Variants in TTLL8 observed in about 807,000 individuals in gnomAD.
TTLL8 encodes tubulin tyrosine ligase like 8.
Under a neutral mutation model 77.8 loss-of-function variants are expected in TTLL8, and 65 were observed. The observed-to-expected ratio is 0.84, with a 90% CI of 0.68 to 1.03. TTLL8 has a LOEUF of 1.03. Among genes scored for constraint, TTLL8 ranks in the 50% least tolerant of loss-of-function variants. TTLL8 has a pLI of 0.00. For synonymous variants in TTLL8, 402 were observed against 422.8 expected, an observed-to-expected ratio of 0.95 and a Z score of 0.60; for missense variants, 910 against 1,004.5, an observed-to-expected ratio of 0.91 and a Z score of 1.27.
At position 50,026,755 on chromosome 22, in the gene TTLL8, C is replaced by A. The variant is rs80104849; in HGVS notation, c.2203+3675G>T. On this transcript the variant is annotated intron_variant, in intron 12 of 13. Coordinates refer to ENST00000266182, the Ensembl canonical transcript of TTLL8. ...CTGTCCTCACTGTAGGTAAGTCATA[C>A]CTTCACAAGACCGTTTGGAAAGAGA... Among the ~76,000 whole-genome samples, 350 of 152,280 alleles carry A rather than the reference C, an allele frequency of 2.3e-3. 1 individual carries two copies. The highest frequency in any genetic ancestry group is 6.8e-3 in the Middle Eastern group (2 of 294).
chr22:50,055,616 T>C (rs148598797), upstream of TTLL8, among the ~76,000 whole-genome samples: 1,713 of 149,590 alleles, frequency 0.011, 26 homozygotes, highest in South Asian at 0.038. Context: ...GATCGCGCCA[T>C]TGCACTCCAG....
chr22:50,051,856 A>G (rs1281329262), intron 1 of TTLL8, among the ~76,000 whole-genome samples: 1 of 152,166 alleles, frequency 6.6e-6, no homozygotes, highest in Admixed American at 6.5e-5. Context: ...ATTGAAAAAT[A>G]AGTTGATTAT....
upstream of TTLL8, among the ~76,000 whole-genome samples, chr22:50,055,973 G>A (rs6010251): frequency 5.3e-5 from 8 of 152,324 alleles, no homozygotes; most frequent in African/African-American, 1.4e-4. Context: ...CATAAAGACC[G>A]TGTTGATAAA....
chr22:50,026,613 T>A (rs761565286), intron 12 of TTLL8, among the ~76,000 whole-genome samples: 3 of 152,184 alleles, frequency 2.0e-5, no homozygotes, highest in Non-Finnish European at 4.4e-5. Flanking sequence ...TGATGATGAT[T>A]TAAGTCCAAT....
At chr22:50,027,821 G>A in intron 12 of TTLL8, 1 of 985,330 alleles carries the variant, frequency 1.0e-6, no homozygotes, top group Non-Finnish European at 1.2e-6. Context: ...CCTGAGCCCA[G>A]CCAGGAGTCT....
intron 8 of TTLL8, among the ~76,000 whole-genome samples, chr22:50,035,125 A>T (rs1197488067): frequency 6.6e-6 from 1 of 152,140 alleles, no homozygotes; most frequent in Admixed American, 6.5e-5. Flanking sequence ...ATTGGGGGGA[A>T]GCCATGCCAG....
In TTLL8 at chr22:50,032,116, G is replaced by C. The variant is rs781381280; in HGVS notation, c.1284-7C>G. 4 of 1,348,376 alleles carry C rather than the reference G, an allele frequency of 3.0e-6. 1 individual carries two copies. Among genetic ancestry groups the C allele is most frequent in the East Asian group, 4.6e-5 (1 of 21,698 alleles). 83.5% of individuals were successfully genotyped at this position (1,348,376 alleles called of 1,614,324 possible). On this transcript the variant is annotated splice_region_variant and splice_polypyrimidine_tract_variant and intron_variant, in intron 10 of 13. Transcript: ENST00000266182. Reference sequence around the variant, plus strand: ...GTTGCACAGGTGGATGGCGCTGCAGGGGGGACGAGGGGCAGGTGCTCAGCC... The same window carrying C: ...GTTGCACAGGTGGATGGCGCTGCAGCGGGGACGAGGGGCAGGTGCTCAGCC...
intron 12 of TTLL8, among the ~76,000 whole-genome samples, chr22:50,023,758 C>G (rs573484060): frequency 7.2e-5 from 11 of 152,022 alleles, no homozygotes; most frequent in Non-Finnish European, 1.0e-4. Flanking sequence ...CGGTGGCTCA[C>G]GCCTGTAATC....
At chr22:50,049,154 C>A in intron 3 of TTLL8, 95 bp downstream of exon 5, 1 of 1,338,146 alleles carries the variant, frequency 7.5e-7, no homozygotes. Context: ...GGCTGCCATC[C>A]CCCCAGGACA....
At chr22:50,045,489 C>A in intron 5 of TTLL8, 100 bp from the exon 8 acceptor site, 1 of 1,074,134 alleles carries the variant, frequency 9.3e-7, no homozygotes, top group Non-Finnish European at 1.3e-6. Flanking sequence ...CCCCACTTCC[C>A]GCCCTCATAG....
intron 5 of TTLL8, among the ~76,000 whole-genome samples, chr22:50,045,614 C>T (rs2061405119): frequency 6.6e-6 from 1 of 152,218 alleles, no homozygotes. Context: ...ACGGAGCCGG[C>T]CTTGCCCCAG....
intron 12 of TTLL8, among the ~76,000 whole-genome samples, chr22:50,023,548 G>C (rs1418582878): frequency 6.6e-6 from 1 of 152,080 alleles, no homozygotes; most frequent in East Asian, 1.9e-4. Context: ...AGCTGGGCGT[G>C]GTAGTGTGCG....
chr22:50,049,722 G>T, intron 2 of TTLL8, among the ~76,000 whole-genome samples: 1 of 152,178 alleles, frequency 6.6e-6, no homozygotes, highest in East Asian at 1.9e-4. Flanking sequence ...GGGCCAAGAG[G>T]ATGCAGACAC....
Position 50,034,343 on chromosome 22 carries a change from A to C in TTLL8, c.1039+2T>G, listed in dbSNP as rs760018948. On this transcript the variant is annotated splice_donor_variant, in intron 9 of 13. Coordinates refer to ENST00000266182, the Ensembl canonical transcript of TTLL8. LOFTEE classifies it high-confidence loss of function. This position sits in a 1 kb window ranked among gnomAD's most constrained non-coding sequence, Gnocchi z 4.1. ...TGAACGCGGTGCAGGGAGCATCCGC[A>C]CCAGGGGACTCACCTCGGCCCCGGG... 9 of 1,364,844 alleles carry C rather than the reference A, an allele frequency of 6.6e-6. No individual in the cohort carries two copies. Among genetic ancestry groups the C allele is most frequent in the Middle Eastern group, 2.5e-4 (1 of 3,932 alleles). The allele number at this position is 1,364,844 out of a possible 1,614,324, so 84.5% of individuals were successfully genotyped here.
At chr22:50,026,660 G>A (rs569655531) in intron 12 of TTLL8, among the ~76,000 whole-genome samples, 3 of 152,354 alleles carry the variant, frequency 2.0e-5, no homozygotes, top group South Asian at 2.1e-4. Flanking sequence ...ACTAGAAAAG[G>A]CAGGAGGCTC....
chr22:50,035,303 G>A (rs1023583871), intron 8 of TTLL8, among the ~76,000 whole-genome samples: 3 of 152,218 alleles, frequency 2.0e-5, no homozygotes, highest in Non-Finnish European at 4.4e-5. Context: ...GCCGGCCTGG[G>A]CTGGGGTGGG....
chr22:50,042,601 A>G (rs1334681318), intron 6 of TTLL8, among the ~76,000 whole-genome samples: 2 of 152,242 alleles, frequency 1.3e-5, no homozygotes, highest in Non-Finnish European at 2.9e-5. Flanking sequence ...TTCTGTATCT[A>G]CAAGTTTTTT....
chr22:50,047,398 G>A lies in TTLL8; in HGVS notation c.265-102C>T, dbSNP rs554444115. 1.7e-3 allele frequency: 1,691 copies of A among 994,100 alleles called. 4 individuals are homozygous for A. The highest frequency in any genetic ancestry group is 2.2e-3 in the Non-Finnish European group (1,585 of 707,058). 61.6% of individuals were successfully genotyped at this position (994,100 alleles called of 1,614,324 possible). A position where few individuals can be genotyped will look rare whatever the true frequency, so the allele number is the denominator to read the frequency against. Reference sequence around the variant, plus strand: ...CATCAGAGGACAAATGGCGTGCAGCGTGAGGATCCCAGCCGGGCTCTGCTG... The same window carrying A: ...CATCAGAGGACAAATGGCGTGCAGCATGAGGATCCCAGCCGGGCTCTGCTG... On this transcript the variant is annotated intron_variant, in intron 3 of 13. Coordinates refer to ENST00000266182, the Ensembl canonical transcript of TTLL8.
intron 12 of TTLL8, among the ~76,000 whole-genome samples, chr22:50,026,497 A>T (rs2061230253): frequency 6.6e-6 from 1 of 150,946 alleles, no homozygotes; most frequent in Admixed American, 6.6e-5. Context: ...ACACGGAAAT[A>T]CACCCGCCAT....
Sources: gnomAD v4.1 joint callset for allele counts (sites outside exome capture counted in the v4.1 genomes callset) on GRCh38, gnomAD v4.1.1 for gene constraint, Gnocchi (gnomAD v3.1) non-coding constraint, MANE v1.5 for transcripts, NCBI Gene and HGNC (gene_info 2026-07-23, HGNC 2026-07-21) for gene names.